ADAMTS6: variants seen among roughly 807,000 people sequenced by gnomAD.
ADAMTS6 encodes ADAM metallopeptidase with thrombospondin type 1 motif 6.
Under a neutral mutation model 144.3 loss-of-function variants are expected in ADAMTS6, and 23 were observed. The observed-to-expected ratio is 0.16, with a 90% CI of 0.11 to 0.23. The LOEUF is 0.23. ADAMTS6 is among the 10% of genes least tolerant of loss of function. The pLI is 1.00. For synonymous variants in ADAMTS6, 444 were observed against 457.5 expected, an observed-to-expected ratio of 0.97 and a Z score of 0.38; for missense variants, 999 against 1,379.6, an observed-to-expected ratio of 0.72 and a Z score of 4.37.
intron 20 of ADAMTS6, among the ~76,000 whole-genome samples, chr5:65,211,466 T>A (rs1756527829): frequency 6.6e-6 from 1 of 151,536 alleles, no homozygotes; most frequent in African/African-American, 2.4e-5. Context: ...GCCAGGCGTG[T>A]TGGTGGGCGC....
chr5:65,297,151 G>A (rs1229799606), intron 10 of ADAMTS6: 2 of 451,996 alleles, frequency 4.4e-6, no homozygotes, highest in East Asian at 7.0e-5. Flanking sequence ...GGCATAACAC[G>A]TCCATTTTAA....
chr5:65,220,895 G>A (rs528400932), intron 18 of ADAMTS6, among the ~76,000 whole-genome samples: 5 of 152,106 alleles, frequency 3.3e-5, no homozygotes, highest in South Asian at 4.1e-4. Flanking sequence ...TTTTCAGTAC[G>A]GAAAATGAAA....
chr5:65,398,781 C>CGAGAAAGAAAGAAAGAAAGA (rs1156386169), intron 7 of ADAMTS6, among the ~76,000 whole-genome samples: 1 of 106,904 alleles, frequency 9.4e-6, no homozygotes, highest in African/African-American at 3.6e-5. Flanking sequence ...GAAGAGAGAG[C>CGAGAAAGAAAGAAAGAAAGA]AAGAAAGAAA....
At chr5:65,190,848 T>A (rs1256738015) in intron 21 of ADAMTS6, among the ~76,000 whole-genome samples, 2 of 152,138 alleles carry the variant, frequency 1.3e-5, no homozygotes, top group African/African-American at 4.8e-5. Flanking sequence ...TCCCTTCCCA[T>A]GTCTCTCTGA....
chr5:65,212,427 T>C (rs868716211), intron 20 of ADAMTS6, among the ~76,000 whole-genome samples: 4,401 of 144,292 alleles, frequency 0.031, 97 homozygotes, highest in Middle Eastern at 0.046. Context: ...CTCTCTCTTT[T>C]TTTTTTTTTT....
At chr5:65,386,919 A>C (rs940932411) in intron 7 of ADAMTS6, among the ~76,000 whole-genome samples, 11 of 152,212 alleles carry the variant, frequency 7.2e-5, no homozygotes, top group Admixed American at 6.5e-4. Context: ...CATCTTAACA[A>C]GCATTGACTG....
chr5:65,159,842 A>G (rs566582995), intron 24 of ADAMTS6, among the ~76,000 whole-genome samples: 4 of 152,340 alleles, frequency 2.6e-5, no homozygotes, highest in African/African-American at 9.6e-5. Context: ...AGCTTGAGGA[A>G]TGGATGGGCA....
intron 11 of ADAMTS6, among the ~76,000 whole-genome samples, chr5:65,289,087 G>A (rs1189691521): frequency 6.6e-6 from 1 of 152,018 alleles, no homozygotes; most frequent in East Asian, 1.9e-4. Flanking sequence ...ATGAATCTAG[G>A]GAAACCATTA....
chr5:65,190,715 C>A (rs572201936), intron 21 of ADAMTS6, among the ~76,000 whole-genome samples: 10 of 152,250 alleles, frequency 6.6e-5, no homozygotes, highest in Admixed American at 6.5e-4. Context: ...ATCACTCTAG[C>A]CTTTAACTTG....
chr5:65,289,481 G>A (rs1396063142), intron 11 of ADAMTS6, among the ~76,000 whole-genome samples: 1 of 152,166 alleles, frequency 6.6e-6, no homozygotes, highest in Non-Finnish European at 1.5e-5. Flanking sequence ...AGCCAAAACT[G>A]TGCCACTGCA....
At chr5:65,409,167 G>A (rs567405039) in intron 7 of ADAMTS6, among the ~76,000 whole-genome samples, 2 of 152,026 alleles carry the variant, frequency 1.3e-5, no homozygotes, top group African/African-American at 4.8e-5. Flanking sequence ...AACTGAAGGA[G>A]ACAGAGACAT....
At chr5:65,295,584 T>C (rs1742757219) in intron 10 of ADAMTS6, among the ~76,000 whole-genome samples, 1 of 152,122 alleles carries the variant, frequency 6.6e-6, no homozygotes, top group African/African-American at 2.4e-5. Flanking sequence ...ATTAAACATA[T>C]ACTTGTCAGA....
At chr5:65,322,302 G>C (rs1412845691) in intron 9 of ADAMTS6, among the ~76,000 whole-genome samples, 1 of 152,170 alleles carries the variant, frequency 6.6e-6, no homozygotes, top group Non-Finnish European at 1.5e-5. Context: ...CAAGTAGCAT[G>C]ATGTCTCTAG....
intron 24 of ADAMTS6, among the ~76,000 whole-genome samples, chr5:65,160,148 G>A (rs1008497244): frequency 3.3e-5 from 5 of 151,974 alleles, no homozygotes; most frequent in Admixed American, 1.3e-4. Flanking sequence ...ATCTCAATAC[G>A]TCTCCCCAAA....
chr5:65,415,670 T>C, intron 7 of ADAMTS6: 1 of 262,594 alleles, frequency 3.8e-6, no homozygotes, highest in Non-Finnish European at 7.6e-6. Context: ...TTGAAGATTA[T>C]GTCAGTGCAG....
intron 7 of ADAMTS6, among the ~76,000 whole-genome samples, chr5:65,350,233 C>T (rs1249494410): frequency 2.0e-5 from 3 of 152,074 alleles, no homozygotes; most frequent in Admixed American, 2.0e-4. Context: ...AACTTAAATC[C>T]TTCATGCTGC....
At chr5:65,409,631 C>T (rs979065231) in intron 7 of ADAMTS6, among the ~76,000 whole-genome samples, 4 of 152,208 alleles carry the variant, frequency 2.6e-5, no homozygotes, top group East Asian at 1.9e-4. Context: ...AGAAGAAATC[C>T]TCCTAACTCA....
At chr5:65,159,083 T>G (rs1752597071) in intron 24 of ADAMTS6, among the ~76,000 whole-genome samples, 1 of 152,170 alleles carries the variant, frequency 6.6e-6, no homozygotes, top group Non-Finnish European at 1.5e-5. Flanking sequence ...CCTGAACGCC[T>G]CCATATCTCT....
intron 9 of ADAMTS6, among the ~76,000 whole-genome samples, chr5:65,310,311 C>G (rs910860793): frequency 1.3e-5 from 2 of 152,068 alleles, no homozygotes; most frequent in African/African-American, 4.8e-5. Context: ...TATTTCTTTA[C>G]AGAAATGCAA....
Sources: gnomAD v4.1 joint callset for allele counts (sites outside exome capture counted in the v4.1 genomes callset) on GRCh38, gnomAD v4.1.1 for gene constraint, MANE v1.5 for transcripts, NCBI Gene and HGNC (gene_info 2026-07-23, HGNC 2026-07-21) for gene names.